The following ADAM22 variants were observed in gnomAD, a reference collection of about 807,000 sequenced individuals.
The protein encoded by ADAM22 is disintegrin and metalloproteinase domain-containing protein 22.
Under a neutral mutation model 144.6 loss-of-function variants are expected in ADAM22, and 65 were observed. That is an observed-to-expected ratio of 0.45 (90% CI 0.37 to 0.55). ADAM22 has a LOEUF of 0.55. ADAM22 is among the 20% of genes least tolerant of loss of function. ADAM22 has a pLI of 0.00. For synonymous variants in ADAM22, 391 were observed against 412.6 expected (o/e 0.95, Z 0.63); for missense variants, 974 against 1,184.9 (o/e 0.82, Z 2.61).
chr7:87,995,845 A>G (rs78831427), intron 3 of ADAM22, among the ~76,000 whole-genome samples: 5,243 of 152,310 alleles, frequency 0.034, 322 homozygotes, highest in African/African-American at 0.12. Context: ...TTAAATTTCA[A>G]TAATTAAAAA....
intron 3 of ADAM22, among the ~76,000 whole-genome samples, chr7:88,006,930 G>C (rs994707917): frequency 2.0e-5 from 3 of 150,360 alleles, no homozygotes; most frequent in African/African-American, 7.3e-5. Context: ...GGAAATAAAG[G>C]GTATTCAATT....
intron 22 of ADAM22, 139 bp downstream of exon 22, chr7:88,156,145 C>G: frequency 1.2e-6 from 1 of 857,380 alleles, no homozygotes; most frequent in African/African-American, 1.7e-5. Context: ...TTGAGTAAAT[C>G]CTAACAGAGA....
At chr7:88,155,245 TG>T (rs1191410757) in intron 21 of ADAM22, among the ~76,000 whole-genome samples, 3 of 152,024 alleles carry the variant, frequency 2.0e-5, no homozygotes, top group Non-Finnish European at 4.4e-5. Context: ...AAAAATTGTC[TG>T]GGCACAGCAT....
intron 3 of ADAM22, among the ~76,000 whole-genome samples, chr7:87,998,995 T>G (rs1791903041): frequency 6.6e-6 from 1 of 152,204 alleles, no homozygotes; most frequent in Non-Finnish European, 1.5e-5. Flanking sequence ...TTAAACAATT[T>G]CTCAACTCCA....
chr7:88,094,451 A>G (rs2129485504), intron 4 of ADAM22, among the ~76,000 whole-genome samples: 1 of 152,340 alleles, frequency 6.6e-6, no homozygotes, highest in South Asian at 2.1e-4. Context: ...GAGAAGGTGG[A>G]CAGAATAAGA....
intron 30 of ADAM22, among the ~76,000 whole-genome samples, chr7:88,187,709 G>A (rs1344850942): frequency 6.6e-6 from 1 of 152,072 alleles, no homozygotes; most frequent in African/African-American, 2.4e-5. Flanking sequence ...GGTCAACATT[G>A]AACAGATATC....
intron 31 of ADAM22, among the ~76,000 whole-genome samples, 158 bp from the exon 32 acceptor site, chr7:88,196,310 AGTT>A (rs1850659859): frequency 6.6e-6 from 1 of 152,190 alleles, no homozygotes; most frequent in Non-Finnish European, 1.5e-5. Flanking sequence ...GAGAGCTAAA[AGTT>A]GGAGTGTTTA....
chr7:88,155,066 G>A (rs1460430619), intron 21 of ADAM22, among the ~76,000 whole-genome samples: 1 of 152,050 alleles, frequency 6.6e-6, no homozygotes, highest in Non-Finnish European at 1.5e-5. Flanking sequence ...TAATAGTTGG[G>A]GAAGTACTGA....
chr7:87,972,931 C>G (rs917248409), intron 2 of ADAM22, among the ~76,000 whole-genome samples: 5 of 152,248 alleles, frequency 3.3e-5, no homozygotes, highest in South Asian at 2.1e-4. Context: ...ACACCTTATA[C>G]AAAAATTAAT....
chr7:88,202,636 G>A lies in ADAM22; in HGVS notation c.*6145G>A, dbSNP rs1400020742. ...ACTGGGGTTATGGCAAACACCAATGGAAATGTATATGGCAACTGCTTTCCT... is the reference window on the plus strand; with the variant it reads ...ACTGGGGTTATGGCAAACACCAATGAAAATGTATATGGCAACTGCTTTCCT... On this transcript the variant is annotated 3_prime_UTR_variant, in exon 32 of 32. Coordinates refer to ENST00000413139, the MANE Select transcript of ADAM22 (RefSeq NM_001324418.2). 1.3e-5 allele frequency: 2 copies of A among 152,186 alleles called. No individual in the cohort carries two copies. The highest frequency in any genetic ancestry group is 4.8e-5 in the African/African-American group (2 of 41,442). The allele number at this position is 152,186 out of a possible 1,614,324, so 9.4% of individuals were successfully genotyped here.
intron 4 of ADAM22, among the ~76,000 whole-genome samples, chr7:88,083,799 C>G (rs1817655886): frequency 6.6e-6 from 1 of 151,954 alleles, no homozygotes; most frequent in Non-Finnish European, 1.5e-5. Context: ...TTATTCGGAA[C>G]TGAAGATTGG....
chr7:88,113,703 A>AATAAATAAATAAATAAATATATATAT (rs1554478726), intron 5 of ADAM22, among the ~76,000 whole-genome samples: 1 of 48,104 alleles, frequency 2.1e-5, no homozygotes, highest in Non-Finnish European at 3.8e-5. Context: ...TAAATAAATA[A>AATAAATAAATAAATAAATATATATAT]ATATATATAT....
intron 4 of ADAM22, among the ~76,000 whole-genome samples, chr7:88,103,937 C>CA (rs1413365843): frequency 2.2e-4 from 34 of 151,952 alleles, no homozygotes; most frequent in Admixed American, 1.3e-4. Context: ...CATGTAAGTG[C>CA]AAAAAATACA....
chr7:88,194,427 C>T (rs1850252181), intron 31 of ADAM22, among the ~76,000 whole-genome samples: 1 of 152,152 alleles, frequency 6.6e-6, no homozygotes, highest in Non-Finnish European at 1.5e-5. Flanking sequence ...GGAACAGCCA[C>T]ATAAGCATGT....
intron 2 of ADAM22, among the ~76,000 whole-genome samples, chr7:87,967,577 G>A (rs1473301301): frequency 1.3e-5 from 2 of 152,010 alleles, no homozygotes; most frequent in African/African-American, 4.8e-5. Flanking sequence ...TTGGGAGGCC[G>A]AGGCAGTCAG....
At chr7:87,949,704 T>C (rs566174676) in intron 2 of ADAM22, among the ~76,000 whole-genome samples, 2 of 152,076 alleles carry the variant, frequency 1.3e-5, no homozygotes, top group East Asian at 1.9e-4. Flanking sequence ...CTTTTTTTTT[T>C]CCTATAGCTA....
intron 7 of ADAM22, among the ~76,000 whole-genome samples, chr7:88,118,646 T>C (rs1047638687): frequency 6.8e-6 from 1 of 146,510 alleles, no homozygotes; most frequent in Non-Finnish European, 1.5e-5. Flanking sequence ...TATATATCTA[T>C]CTATCTATCT....
At chr7:88,174,022 A>C (rs1845000308) in intron 26 of ADAM22, among the ~76,000 whole-genome samples, 1 of 152,156 alleles carries the variant, frequency 6.6e-6, no homozygotes, top group Non-Finnish European at 1.5e-5. Flanking sequence ...CACTAAATGC[A>C]AGACCTAATA....
At chr7:87,998,681 G>A (rs1034542038) in intron 3 of ADAM22, among the ~76,000 whole-genome samples, 2 of 152,094 alleles carry the variant, frequency 1.3e-5, no homozygotes, top group African/African-American at 2.4e-5. Flanking sequence ...GAGCCACCAC[G>A]CCCTGCCGAG....
Sources: gnomAD v4.1 joint callset for allele counts (sites outside exome capture counted in the v4.1 genomes callset) on GRCh38, gnomAD v4.1.1 for gene constraint, MANE v1.5 for transcripts, NCBI Gene and HGNC (gene_info 2026-07-23, HGNC 2026-07-21) for gene names.